The following FUT8 variants were observed in gnomAD, a reference collection of about 807,000 sequenced individuals.
FUT8 encodes alpha-(1,6)-fucosyltransferase.
A neutral mutation model predicts 71.3 loss-of-function variants in FUT8; 29 were observed. The observed-to-expected ratio is 0.41, with a 90% CI of 0.30 to 0.55. The LOEUF is 0.55. FUT8 is among the 20% of genes least tolerant of loss of function. The pLI, the probability that FUT8 is intolerant of heterozygous loss-of-function variation, is 0.34. For missense variants in FUT8, 544 were observed against 702.1 expected (o/e 0.77, Z 2.55); for synonymous variants, 254 against 239.3 (o/e 1.06, Z -0.57).
At chr14:65,462,922 G>A (rs190817348) in intron 2 of FUT8, among the ~76,000 whole-genome samples, 2 of 152,134 alleles carry the variant, frequency 1.3e-5, no homozygotes, top group Non-Finnish European at 2.9e-5. Flanking sequence ...CATATACCAG[G>A]GGGAGATAGG....
chr14:65,582,986 A>G (rs544821108), intron 3 of FUT8, among the ~76,000 whole-genome samples: 1 of 152,332 alleles, frequency 6.6e-6, no homozygotes, highest in East Asian at 1.9e-4. Flanking sequence ...TGAATGCTGC[A>G]TGAATGGATT....
intron 6 of FUT8, among the ~76,000 whole-genome samples, chr14:65,662,552 G>A (rs576810441): frequency 1.4e-4 from 21 of 152,252 alleles, no homozygotes; most frequent in African/African-American, 4.8e-4. Flanking sequence ...ATAAAGACTC[G>A]TGATTGAGCT....
chr14:65,592,213 C>T (rs934860624), intron 3 of FUT8, among the ~76,000 whole-genome samples: 2 of 151,970 alleles, frequency 1.3e-5, no homozygotes, highest in Non-Finnish European at 2.9e-5. Flanking sequence ...TATAATTGTT[C>T]CTCTGGTGTA....
intron 6 of FUT8, among the ~76,000 whole-genome samples, chr14:65,667,120 G>A (rs1892253718): frequency 6.6e-6 from 1 of 152,074 alleles, no homozygotes; most frequent in Middle Eastern, 3.2e-3. Context: ...AGACAAGGAT[G>A]CCCACTCTCA....
intron 2 of FUT8, among the ~76,000 whole-genome samples, chr14:65,457,101 A>G (rs934048402): frequency 6.6e-6 from 1 of 152,140 alleles, no homozygotes; most frequent in African/African-American, 2.4e-5. Context: ...TAATCACCCT[A>G]TTGATCTATT....
intron 3 of FUT8, among the ~76,000 whole-genome samples, chr14:65,599,503 G>A (rs1425817483): frequency 1.3e-5 from 2 of 152,158 alleles, no homozygotes; most frequent in Non-Finnish European, 2.9e-5. Flanking sequence ...CTAGGGAATG[G>A]CTGGTACAGG....
intron 2 of FUT8, among the ~76,000 whole-genome samples, chr14:65,475,841 T>C (rs1192381211): frequency 6.6e-6 from 1 of 151,976 alleles, no homozygotes; most frequent in Non-Finnish European, 1.5e-5. Flanking sequence ...AGGAAATCAG[T>C]CTTGGGCCCA....
At chr14:65,540,171 G>C (rs985795977) in intron 2 of FUT8, among the ~76,000 whole-genome samples, 1 of 152,176 alleles carries the variant, frequency 6.6e-6, no homozygotes, top group Non-Finnish European at 1.5e-5. Context: ...CATCAGTAGT[G>C]ATTCTGAAGC....
chr14:65,522,302 C>CA (rs1356280920), intron 2 of FUT8, among the ~76,000 whole-genome samples: 3 of 152,128 alleles, frequency 2.0e-5, no homozygotes, highest in Non-Finnish European at 4.4e-5. Context: ...GTATTCTTTA[C>CA]ACCATAAACA....
At chr14:65,677,171 CACGTATGTGTGTGCGCAT>C (rs1566890739) in intron 7 of FUT8, among the ~76,000 whole-genome samples, 5 of 109,902 alleles carry the variant, frequency 4.5e-5, no homozygotes, top group African/African-American at 8.9e-5. Flanking sequence ...CATGCGCGCG[CACGTATGTGTGTGCGCAT>C]GTGTGTTTTT....
chr14:65,468,339 C>G (rs190327962), intron 2 of FUT8: 1 of 576,062 alleles, frequency 1.7e-6, no homozygotes, highest in Non-Finnish European at 3.3e-6. Flanking sequence ...CCTTTGTGTT[C>G]GTCCTTTTGG....
At chr14:65,728,885 A>G (rs1488057690) in intron 9 of FUT8, among the ~76,000 whole-genome samples, 1 of 152,188 alleles carries the variant, frequency 6.6e-6, no homozygotes, top group Admixed American at 6.5e-5. Flanking sequence ...TGATGATAAC[A>G]TGCCTAATGA....
At chr14:65,671,306 CCTTA>C (rs1283756127) in intron 7 of FUT8, among the ~76,000 whole-genome samples, 1 of 152,126 alleles carries the variant, frequency 6.6e-6, no homozygotes, top group Non-Finnish European at 1.5e-5. Context: ...GATTTTTAAT[CCTTA>C]CTTGTACATT....
chr14:65,388,915 A>G, the FUT8 span, among the ~76,000 whole-genome samples: 2 of 152,218 alleles, frequency 1.3e-5, no homozygotes, highest in Admixed American at 1.3e-4. Context: ...GAAATTTTTT[A>G]AAATATAAAA....
chr14:65,383,265 C>CTTTTTTTTCT, the FUT8 span, among the ~76,000 whole-genome samples: 25 of 86,526 alleles, frequency 2.9e-4, no homozygotes, highest in East Asian at 1.4e-3. Context: ...TTTTTCTTTT[C>CTTTTTTTTCT]TTTTTTTTTT....
chr14:65,515,626 A>G (rs1283882819), intron 2 of FUT8, among the ~76,000 whole-genome samples: 1 of 152,168 alleles, frequency 6.6e-6, no homozygotes, highest in Non-Finnish European at 1.5e-5. Context: ...GTCAGGACTC[A>G]CAAACAAATC....
chr14:65,446,610 T>C (rs2065744795), intron 1 of FUT8, among the ~76,000 whole-genome samples: 2 of 152,146 alleles, frequency 1.3e-5, no homozygotes, highest in African/African-American at 4.8e-5. Flanking sequence ...ACTTGATTCT[T>C]TATTTTTATT....
intron 7 of FUT8, among the ~76,000 whole-genome samples, chr14:65,704,969 A>G (rs756170567): frequency 1.9e-4 from 29 of 152,222 alleles, no homozygotes; most frequent in African/African-American, 6.5e-4. Flanking sequence ...GTCTGTTGCT[A>G]TTAAAAGCAG....
At chr14:65,452,275 C>G (rs1168280778) in intron 1 of FUT8, among the ~76,000 whole-genome samples, 1 of 152,096 alleles carries the variant, frequency 6.6e-6, no homozygotes, top group Non-Finnish European at 1.5e-5. Context: ...TACAGTGTTT[C>G]CAGGTAAGAT....
Sources: allele counts gnomAD v4.1 joint callset (sites outside exome capture counted in the v4.1 genomes callset), GRCh38; gene constraint gnomAD v4.1.1; transcripts MANE v1.5; gene names NCBI Gene and HGNC (gene_info 2026-07-23, HGNC 2026-07-21).